The following HMCN1 variants were observed in gnomAD, a reference collection of about 807,000 sequenced individuals.
HMCN1 encodes the protein hemicentin 1, also known as hemicentin-1.
In HMCN1, 321 loss-of-function variants were observed where a neutral mutation model predicts 625.9. That is an observed-to-expected ratio of 0.51 (90% CI 0.47 to 0.56). The LOEUF (loss-of-function observed/expected upper bound fraction) is 0.56. HMCN1 is among the 20% of genes least tolerant of loss of function. HMCN1 has a pLI of 0.00. For synonymous variants in HMCN1, 2,425 were observed against 2,417.6 expected, an observed-to-expected ratio of 1.00 and a Z score of -0.09; for missense variants, 6,588 against 6,887.3, an observed-to-expected ratio of 0.96 and a Z score of 1.54.
At chr1:186,006,354 A>T (rs1397324233) in intron 29 of HMCN1, among the ~76,000 whole-genome samples, 1 of 152,150 alleles carries the variant, frequency 6.6e-6, no homozygotes, top group African/African-American at 2.4e-5. Context: ...GCAACTTTTA[A>T]AAAACTAGCT....
intron 11 of HMCN1, among the ~76,000 whole-genome samples, chr1:185,940,021 T>G (rs1475525450): frequency 6.6e-6 from 1 of 152,178 alleles, no homozygotes; most frequent in African/African-American, 2.4e-5. Context: ...AAATAATTCT[T>G]CCCAAGGTTT....
intron 1 of HMCN1, among the ~76,000 whole-genome samples, chr1:185,780,449 G>T (rs1450638229): frequency 2.0e-5 from 3 of 152,144 alleles, no homozygotes; most frequent in Admixed American, 2.0e-4. Context: ...AATGCTTCCA[G>T]TTTTTGCCCA....
At chr1:185,882,426 T>C (rs1275630506) in intron 4 of HMCN1, among the ~76,000 whole-genome samples, 1 of 152,124 alleles carries the variant, frequency 6.6e-6, no homozygotes, top group Non-Finnish European at 1.5e-5. Flanking sequence ...CTACAGAGTT[T>C]GTTTAGGGTA....
At position 186,113,060 on chromosome 1, in the gene HMCN1, C is replaced by G. The variant is rs185751858; in HGVS notation, c.11131+107C>G. ...ATACTAAATGAAGCCTTGTGCTTAT[C>G]TTACTGCTTTTGAAAAAGGCAACGT... is the stretch of plus-strand genomic sequence containing the variant. On this transcript the variant is annotated intron_variant, in intron 72 of 106. Transcript: ENST00000271588. 24 of 1,357,264 alleles carry G rather than the reference C, an allele frequency of 1.8e-5. No homozygotes were observed. In the East Asian group the frequency reaches 5.2e-4, roughly 29 times the overall value. 84.1% of individuals were successfully genotyped at this position (1,357,264 alleles called of 1,614,324 possible).
At chr1:186,130,886 T>C (rs1661900857) in intron 85 of HMCN1, among the ~76,000 whole-genome samples, 189 bp downstream of exon 85, 2 of 151,894 alleles carry the variant, frequency 1.3e-5, no homozygotes. Context: ...ATAAGTGCAG[T>C]GAGATAATGT....
rs1659798201 is a variant in HMCN1, at chr1:186,090,809, TAGG to T, written c.9782_9784del (p.Gly3261del). 2 of 1,612,652 alleles carry T rather than the reference TAGG, an allele frequency of 1.2e-6. No individual in the cohort carries two copies. Among genetic ancestry groups the T allele is most frequent in the Non-Finnish European group, 1.7e-6 (2 of 1,179,070 alleles). On this transcript the variant is annotated inframe_deletion, in exon 64 of 107. Transcript: ENST00000271588. ...ATTCCAAGTGATGTCAGTGTCCTTCTAGGAGAAAATGTTGAGCTGGTCTGCAAT... is the reference window on the plus strand; with the variant it reads ...ATTCCAAGTGATGTCAGTGTCCTTCTAGAAAATGTTGAGCTGGTCTGCAAT...
chr1:186,091,028 C>G, intron 64 of HMCN1, 111 bp downstream of exon 64: 1 of 1,239,428 alleles, frequency 8.1e-7, no homozygotes, highest in Non-Finnish European at 1.2e-6. Flanking sequence ...TGGAACTTAG[C>G]TATCATTATA....
intron 40 of HMCN1, among the ~76,000 whole-genome samples, chr1:186,044,368 A>G (rs193260524): frequency 2.0e-5 from 3 of 152,182 alleles, no homozygotes; most frequent in Admixed American, 1.3e-4. Context: ...TTTAGCATCA[A>G]TTTCTTTGAG....
At chr1:186,113,866 A>G in intron 72 of HMCN1, 113 bp from the exon 73 acceptor site, 1 of 1,150,496 alleles carries the variant, frequency 8.7e-7, no homozygotes, top group Non-Finnish European at 1.3e-6. Flanking sequence ...AGATTCTTGT[A>G]GACAAAGCTA....
At chr1:186,164,227 A>C (rs975359652) in intron 97 of HMCN1, among the ~76,000 whole-genome samples, 1 of 147,760 alleles carries the variant, frequency 6.8e-6, no homozygotes, top group Non-Finnish European at 1.5e-5. Flanking sequence ...TGTTTCTGAC[A>C]TCTAACTTAA....
intron 95 of HMCN1, among the ~76,000 whole-genome samples, 191 bp from the exon 96 acceptor site, chr1:186,152,547 AAAAAGAAATGTT>A (rs1483625516): frequency 3.9e-5 from 6 of 152,236 alleles, no homozygotes; most frequent in Non-Finnish European, 7.3e-5. Flanking sequence ...TTTGCTACAT[AAAAAGAAATGTT>A]AAAAGAAACT....
At chr1:186,186,992 T>TCACACA (rs200279097) in intron 105 of HMCN1, among the ~76,000 whole-genome samples, 2,307 of 95,358 alleles carry the variant, frequency 0.024, 32 homozygotes, top group African/African-American at 0.027. Context: ...TCTGTCTCTG[T>TCACACA]CTCACACACA....
At chr1:186,034,956 C>T (rs561984150) in intron 36 of HMCN1, among the ~76,000 whole-genome samples, 1 of 152,136 alleles carries the variant, frequency 6.6e-6, no homozygotes. Context: ...CATTCCATAG[C>T]TCTTGTATTT....
chr1:186,104,229 A>G (rs755562127), intron 69 of HMCN1, among the ~76,000 whole-genome samples: 2 of 152,204 alleles, frequency 1.3e-5, no homozygotes, highest in Non-Finnish European at 2.9e-5. Context: ...ACCTTATGTT[A>G]CAATTATTCT....
At position 185,924,342 on chromosome 1, in the gene HMCN1, T is replaced by C. The variant is rs188390241; in HGVS notation, c.1285+689T>C. 3.4e-3 allele frequency among the ~76,000 whole-genome samples: 499 copies of C among 147,926 alleles called. 3 individuals carry two copies. Among genetic ancestry groups the C allele is most frequent in the African/African-American group, 0.012 (470 of 40,376 alleles). ...GCCTCCCGGGTTCACGTCATTCTCC[T>C]GCCTCAGCCTCCCGAGTAGCTGGGA... On this transcript the variant is annotated intron_variant, in intron 8 of 106. Transcript: ENST00000271588.
chr1:185,911,827 G>A, intron 6 of HMCN1, 47 bp downstream of exon 6: 1 of 1,389,252 alleles, frequency 7.2e-7, no homozygotes, highest in Non-Finnish European at 1.0e-6. Flanking sequence ...TTTGAAGTTG[G>A]CATTTTTCAT....
rs1173588748 is a variant in HMCN1 at position 186,136,700 on chromosome 1, A to G, written c.13345A>G (p.Thr4449Ala). ...PPIITLEPVE[T>A]VINAGGKIIL... ...TATTATCACTCTTGAGCCAGTGGAA[A>G]CTGTTATTAATGCTGGTGGCAAAAT... is the stretch of plus-strand genomic sequence containing the variant. Residue 4449 changes from threonine to alanine, a missense_variant, in exon 87 of 107, where the codon ACT (threonine) becomes GCT (alanine). Physicochemically the swap from Thr to Ala is moderately conservative, Grantham distance 58. Around this residue, in one of 3 missense-constraint regions of HMCN1, gnomAD observed 1,954 missense variants for 2,013.1 expected, o/e 0.97. Transcript: ENST00000271588. 5 of 1,613,878 alleles carry G rather than the reference A, an allele frequency of 3.1e-6. No individual in the cohort carries two copies. The highest frequency in any genetic ancestry group is 1.7e-5 in the Admixed American group (1 of 59,980).
rs918146532 is a variant in HMCN1 at position 185,816,702 on chromosome 1, G to T, written c.269-29324G>T. Among the ~76,000 whole-genome samples, 5 of 152,270 alleles carry T rather than the reference G, an allele frequency of 3.3e-5. No homozygotes were observed. In the East Asian group the frequency reaches 9.7e-4, roughly 29 times the overall value. On this transcript the variant is annotated intron_variant, in intron 1 of 106. Coordinates refer to ENST00000271588, the MANE Select transcript of HMCN1 (RefSeq NM_031935.3). ...CCAATGTGGGGGCTGAGGCATTTAA[G>T]TACATCTTGTTTTAGGATTTTATGG...
chr1:185,979,634 G>T (rs1338797939), intron 16 of HMCN1, among the ~76,000 whole-genome samples: 1 of 152,092 alleles, frequency 6.6e-6, no homozygotes, highest in East Asian at 1.9e-4. Flanking sequence ...TTTATTAATG[G>T]GGTGGTTTGC....
Sources: allele counts gnomAD v4.1 joint callset (sites outside exome capture counted in the v4.1 genomes callset), GRCh38; gene constraint gnomAD v4.1.1; regional missense constraint gnomAD v4.1.1; transcripts MANE v1.5; gene names NCBI Gene and HGNC (gene_info 2026-07-23, HGNC 2026-07-21).